The following DSTYK variants were observed in gnomAD, a reference collection of about 807,000 sequenced individuals.
The protein encoded by DSTYK is RIP-homologous kinase.
In DSTYK, 34 loss-of-function variants were observed where a neutral mutation model predicts 98.7. The ratio of observed to expected loss-of-function variants is 0.34; its 90% CI spans 0.26 to 0.46. DSTYK has a LOEUF of 0.46. Ranked by LOEUF, DSTYK falls within the 20% of genes least tolerant of loss-of-function variation. The probability of loss-of-function intolerance (pLI) is 1.00; values close to 1 mark genes in which losing one functional copy is unlikely to be tolerated. For missense variants in DSTYK, 962 were observed against 1,181.7 expected (o/e 0.81, Z 2.73); for synonymous variants, 462 against 457.3 (o/e 1.01, Z -0.13).
In DSTYK at chr1:205,184,185, C is replaced by T. The variant is rs936678960; in HGVS notation, c.654+3233G>A. The stretch of plus-strand genomic sequence containing the variant: ...GTGGGAAGACACATGCTCAGATACG[C>T]GCTTGGGGGGATGGCTCATACTTTC... On this transcript the variant is annotated intron_variant, in intron 2 of 12. Coordinates refer to ENST00000367162, the MANE Select transcript of DSTYK (RefSeq NM_015375.3). Among the ~76,000 whole-genome samples the T allele has an allele frequency of 4.6e-5, 7 of 151,816 alleles. No homozygotes were observed. The East Asian group carries it at 7.7e-4, about 17-fold the overall frequency.
Position 205,169,617 on chromosome 1 carries a change from G to C in DSTYK, c.870C>G (p.Asp290Glu). 6 of 1,614,222 alleles carry C rather than the reference G, an allele frequency of 3.7e-6. No homozygotes were observed. Among genetic ancestry groups the C allele is most frequent in the Non-Finnish European group, 5.1e-6 (6 of 1,180,038 alleles). The change falls in exon 3 of 13, where the codon GAC becomes GAG. Residue 290 changes from aspartate (D) to glutamate (E), a missense_variant. By Grantham distance (45) the Asp-to-Glu change is conservative. This residue lies in a region of DSTYK where 660 missense variants were observed against 855.0 expected (regional missense o/e 0.77). Transcript: ENST00000367162. This position sits in a 1 kb window ranked among gnomAD's most constrained non-coding sequence, Gnocchi z 4.0. ...KVPKLGSEII[D>E]SSTRRMESER... is the part of the protein sequence containing the mutation. ...CGCTCTCCATTCTCCTGGTTGAGGA[G>C]TCTATTATCTCCGAGCCCAGTTTCG...
chr1:205,150,590 G>T lies in DSTYK; in HGVS notation c.2467+90C>A. On this transcript the variant is annotated intron_variant, in intron 11 of 12. Transcript: ENST00000367162. This position sits in a 1 kb window ranked among gnomAD's most constrained non-coding sequence, Gnocchi z 4.1. The stretch of plus-strand genomic sequence containing the variant: ...TCCCTTGCCTGTGCCAGACCTGCCA[G>T]TAGTGATTGTGGAAACGAGCTCAAG... 1 of 1,039,824 alleles carries T rather than the reference G, an allele frequency of 9.6e-7. No individual in the cohort carries two copies. Among genetic ancestry groups the T allele is most frequent in the Non-Finnish European group, 1.5e-6 (1 of 683,264 alleles). 64.4% of individuals were successfully genotyped at this position (1,039,824 alleles called of 1,614,324 possible). A position where few individuals can be genotyped will look rare whatever the true frequency, so the allele number is the denominator to read the frequency against.
chr1:205,206,086 T>G (rs1330921351), intron 1 of DSTYK, among the ~76,000 whole-genome samples: 1 of 152,198 alleles, frequency 6.6e-6, no homozygotes, highest in South Asian at 2.1e-4. Context: ...TTATAATTAT[T>G]TTTTCTTTCT....
rs903196868 is a variant in DSTYK at position 205,211,543 on chromosome 1, G to T, written c.-8C>A. The T allele has an allele frequency of 1.1e-5, 16 of 1,509,790 alleles. No homozygotes were observed. The highest frequency in any genetic ancestry group is 1.4e-5 in the Non-Finnish European group (16 of 1,136,856). 93.5% of individuals were successfully genotyped at this position (1,509,790 alleles called of 1,614,324 possible). ...CACCCCGTCGCCCTCCATCGCCTCT[G>T]CCCGCTCTGTCTTTGCGGCTCGGTC... On this transcript the variant is annotated 5_prime_UTR_variant, in exon 1 of 13. Transcript: ENST00000367162.
intron 10 of DSTYK, among the ~76,000 whole-genome samples, chr1:205,155,361 G>A (rs952620174): frequency 6.6e-6 from 1 of 152,006 alleles, no homozygotes; most frequent in Non-Finnish European, 1.5e-5. Context: ...GCCTGACAAT[G>A]TGATAGAAAA....
chr1:205,153,612 C>A (rs1011392394), intron 10 of DSTYK, among the ~76,000 whole-genome samples: 1 of 152,072 alleles, frequency 6.6e-6, no homozygotes, highest in African/African-American at 2.4e-5. Context: ...TGTTAAATTT[C>A]TTGGGTATGA....
chr1:205,162,144 C>G lies in DSTYK; in HGVS notation c.1710G>C (p.Gln570His). 1 of 1,614,160 alleles carries G rather than the reference C, an allele frequency of 6.2e-7. No homozygotes were observed. Among genetic ancestry groups the G allele is most frequent in the Non-Finnish European group, 8.5e-7 (1 of 1,180,000 alleles). The change falls in exon 6 of 13, where the codon CAG becomes CAC. Residue 570 changes from glutamine (Q) to histidine (H), a missense_variant. By Grantham distance (24) the Gln-to-His change is conservative (BLOSUM62 0). Transcript: ENST00000367162. ...ITLEWKRKVA[Q>H]EAIESLSASK... ...AGGCGCTGAGGCTCTCAATGGCTTC[C>G]TGGGCCACCTTCCTCTTCCATTCCA...
chr1:205,186,736 T>A (rs1425972685), intron 2 of DSTYK, among the ~76,000 whole-genome samples: 1 of 152,212 alleles, frequency 6.6e-6, no homozygotes, highest in African/African-American at 2.4e-5. Flanking sequence ...ATTTCCTAAG[T>A]GATAATGTAT....
intron 1 of DSTYK, among the ~76,000 whole-genome samples, chr1:205,201,469 T>C (rs1299503155): frequency 6.7e-6 from 1 of 148,912 alleles, no homozygotes; most frequent in Non-Finnish European, 1.5e-5. Flanking sequence ...ATGCATATCA[T>C]TGTTCTTTTT....
chr1:205,177,916 A>G (rs1222963302), intron 2 of DSTYK, among the ~76,000 whole-genome samples: 1 of 151,972 alleles, frequency 6.6e-6, no homozygotes, highest in Non-Finnish European at 1.5e-5. Context: ...TGGTACATAT[A>G]CTTTCCAAGG....
chr1:205,164,406 CA>C (rs1005420253), intron 3 of DSTYK, among the ~76,000 whole-genome samples: 1,269 of 116,118 alleles, frequency 0.011, 13 homozygotes, highest in African/African-American at 0.034. Context: ...GACCCCGTCT[CA>C]AAAAAAAAAA....
chr1:205,197,265 A>C (rs1395362384), intron 1 of DSTYK, among the ~76,000 whole-genome samples: 1 of 152,158 alleles, frequency 6.6e-6, no homozygotes, highest in Non-Finnish European at 1.5e-5. Flanking sequence ...TCATAGAAGC[A>C]CATCCTTGTT....
chr1:205,193,370 T>C (rs1658768453), intron 1 of DSTYK, among the ~76,000 whole-genome samples: 1 of 152,206 alleles, frequency 6.6e-6, no homozygotes. Context: ...TTCTCCTTCT[T>C]GCCTATTTTC....
intron 4 of DSTYK, 119 bp from the exon 5 acceptor site, chr1:205,163,125 C>G (rs536481335): frequency 1.2e-6 from 1 of 809,584 alleles, no homozygotes; most frequent in Admixed American, 1.9e-5. Context: ...ACTTACCCCT[C>G]AATATATATG....
intron 1 of DSTYK, among the ~76,000 whole-genome samples, chr1:205,208,037 C>T (rs1659260678): frequency 6.6e-6 from 1 of 151,836 alleles, no homozygotes; most frequent in African/African-American, 2.4e-5. Context: ...GCCACCATGC[C>T]CAGCTAATTT....
chr1:205,195,243 C>A (rs1193096284), intron 1 of DSTYK, among the ~76,000 whole-genome samples: 1 of 152,154 alleles, frequency 6.6e-6, no homozygotes, highest in Non-Finnish European at 1.5e-5. Flanking sequence ...CAACCAGTGA[C>A]ACAAAGATGC....
intron 1 of DSTYK, 110 bp downstream of exon 1, chr1:205,211,161 C>A (rs1000388770): frequency 4.9e-6 from 7 of 1,432,044 alleles, no homozygotes; most frequent in Non-Finnish European, 6.4e-6. Flanking sequence ...GACACGACTG[C>A]CCCTTTCCGC....
At position 205,163,004 on chromosome 1, in the gene DSTYK, G is replaced by C. The variant is rs1419096051; in HGVS notation, c.1560C>G (p.Ile520Met). 6.2e-7 allele frequency: 1 copy of C among 1,613,790 alleles called. No homozygotes were observed. Among genetic ancestry groups the C allele is most frequent in the Non-Finnish European group, 8.5e-7 (1 of 1,179,696 alleles). Residue 520 changes from isoleucine to methionine, a missense_variant and splice_region_variant, in exon 5 of 13, where the codon ATC becomes ATG. Physicochemically the swap from Ile to Met is conservative, Grantham distance 10. Transcript: ENST00000367162. ...VHITSNYLKQ[I>M]LNAAYHVEVT... ...CTTCAACATGATAGGCAGCATTTAA[G>C]ATCTGAAAGAGACAACGCCAAAGAA... is the stretch of plus-strand genomic sequence containing the variant.
At chr1:205,178,581 A>G (rs1283477538) in intron 2 of DSTYK, among the ~76,000 whole-genome samples, 1 of 152,226 alleles carries the variant, frequency 6.6e-6, no homozygotes, top group African/African-American at 2.4e-5. Flanking sequence ...AGTAAGCCAT[A>G]ATGAATTATG....
Sources: gnomAD v4.1 joint callset for allele counts (sites outside exome capture counted in the v4.1 genomes callset) on GRCh38, gnomAD v4.1.1 for gene constraint, gnomAD v4.1.1 regional missense constraint, Gnocchi (gnomAD v3.1) non-coding constraint, MANE v1.5 for transcripts, NCBI Gene and HGNC (gene_info 2026-07-23, HGNC 2026-07-21) for gene names.